The following IDUA variants were observed in gnomAD, a reference collection of about 807,000 sequenced individuals.
IDUA encodes alpha-L-iduronidase, also known as iduronidase alpha-L-.
IDUA carries 65 observed loss-of-function variants against 68.9 expected under a neutral mutation model. The ratio of observed to expected loss-of-function variants is 0.94; its 90% CI spans 0.77 to 1.16. IDUA has a LOEUF of 1.16. Among genes scored for constraint, IDUA ranks in the 50% most tolerant of loss-of-function variants. The probability of loss-of-function intolerance (pLI) is 0.00; values close to 1 mark genes in which losing one functional copy is unlikely to be tolerated. For missense variants in IDUA, 1,046 were observed against 938.0 expected (o/e 1.12, Z -1.50); for synonymous variants, 529 against 433.6 (o/e 1.22, Z -2.73).
At chr4:1,001,342 G>C in intron 4 of IDUA, 126 bp from the exon 5 acceptor site, 4 of 862,388 alleles carry the variant, frequency 4.6e-6, no homozygotes, top group Non-Finnish European at 8.0e-6. Flanking sequence ...GGGGCGGGAG[G>C]CTGGCCTGCA....
At chr4:990,311 G>T in intron 2 of IDUA, 1 of 1,605,074 alleles carries the variant, frequency 6.2e-7, no homozygotes, top group Admixed American at 1.7e-5. Flanking sequence ...TCGAGCAGTG[G>T]CTGTGAGAGG....
intron 2 of IDUA, among the ~76,000 whole-genome samples, chr4:993,086 C>T (rs530917161): frequency 6.6e-6 from 1 of 152,222 alleles, no homozygotes; most frequent in Non-Finnish European, 1.5e-5. Context: ...AGAGTTGTGT[C>T]CCCTTCCCTG....
intron 11 of IDUA, 30 bp from the exon 12 acceptor site, chr4:1,003,519 C>G (rs767059811): frequency 1.2e-6 from 2 of 1,606,874 alleles, no homozygotes; most frequent in African/African-American, 2.7e-5. Context: ...TCCCCTTCCC[C>G]GACGCCATCA....
chr4:987,697 C>G (rs913294828), intron 1 of IDUA, 112 bp from the exon 2 acceptor site: 2 of 1,541,430 alleles, frequency 1.3e-6, no homozygotes, highest in East Asian at 2.4e-5. Context: ...ACTGAACGCA[C>G]GGGCAGCGCC....
rs753757723 is a variant in IDUA, at chr4:990,210, G to C, written c.299+2261G>C. 4.5e-6 allele frequency: 7 copies of C among 1,563,434 alleles called. No homozygotes were observed. In the African/African-American group the frequency reaches 9.5e-5, roughly 21 times the overall value. On this transcript the variant is annotated intron_variant, in intron 2 of 13. Coordinates refer to ENST00000514224, the MANE Select transcript of IDUA (RefSeq NM_000203.5). ...GGCTCAGCCATGTGAGGACCACCAT[G>C]CCGGGCCCCTGGTGCCGCGGGATCC...
At chr4:1,001,926 CCGCTGTGCCCCGGGCCG>C (rs931375013) in intron 6 of IDUA, 39 bp from the exon 7 acceptor site, 4 of 1,568,734 alleles carry the variant, frequency 2.5e-6, no homozygotes, top group Non-Finnish European at 3.5e-6. Flanking sequence ...GCGCCCTCAG[CCGCTGTGCCCCGGGCCG>C]CGCTGACCCT....
At chr4:1,002,236 C>T (rs1173791310) in intron 7 of IDUA, 33 bp from the exon 8 acceptor site, 1 of 1,592,774 alleles carries the variant, frequency 6.3e-7, no homozygotes. Context: ...GGTGGCCGCG[C>T]CACCCGGTCC....
chr4:1,001,941 C>T, intron 6 of IDUA, 41 bp from the exon 7 acceptor site: 11 of 1,569,892 alleles, frequency 7.0e-6, no homozygotes, highest in Non-Finnish European at 9.5e-6. Context: ...GTGCCCCGGG[C>T]CGCGCTGACC....
At chr4:1,000,569 TG>T (rs770220845) in intron 2 of IDUA, 42 bp from the exon 3 acceptor site, 1 of 1,455,640 alleles carries the variant, frequency 6.9e-7, no homozygotes, top group Non-Finnish European at 9.6e-7. Flanking sequence ...AGCATGGAGC[TG>T]TGTGGGCACC....
At chr4:1,001,959 T>A in intron 6 of IDUA, 23 bp from the exon 7 acceptor site, 1 of 1,574,428 alleles carries the variant, frequency 6.4e-7, no homozygotes, top group Non-Finnish European at 8.6e-7. Flanking sequence ...ACCCTGGTGG[T>A]GCTGAGGCGG....
At position 1,000,520 on chromosome 4, in the gene IDUA, G is replaced by A. The variant is rs1296158582; in HGVS notation, c.300-92G>A. 10 of 999,210 alleles carry A rather than the reference G, an allele frequency of 1.0e-5. No individual in the cohort carries two copies. In the Admixed American group the frequency reaches 1.7e-4, roughly 17 times the overall value. The allele number at this position is 999,210 out of a possible 1,614,324, so 61.9% of individuals were successfully genotyped here. A position where few individuals can be genotyped will look rare whatever the true frequency, so the allele number is the denominator to read the frequency against. On this transcript the variant is annotated intron_variant, in intron 2 of 13. Transcript: ENST00000514224. ...CGGAGTCCTGTGTGGCACCTTGCAG[G>A]CTCCCACATGCTCCGTTGTGGCCAC...
chr4:990,595 C>G (rs1215189470), intron 2 of IDUA: 7 of 579,742 alleles, frequency 1.2e-5, no homozygotes, highest in Non-Finnish European at 2.2e-5. Flanking sequence ...GTGCACACAG[C>G]TGGCCATAGA....
intron 2 of IDUA, chr4:991,738 C>T (rs573329794): frequency 3.3e-5 from 51 of 1,527,260 alleles, no homozygotes; most frequent in Middle Eastern, 1.7e-4. Context: ...GACCTGCGGC[C>T]GAGAAGAGGG....
In IDUA at chr4:1,000,964, C is replaced by T. The variant is rs763532209; in HGVS notation, c.468C>T (p.Val156=). The change falls in exon 4 of 14, where the codon GTC becomes GTT. Residue 156 remains valine (V), a synonymous_variant. Transcript: ENST00000514224. The stretch of plus-strand genomic sequence containing the variant: ...AGGTGTTTGAGTGGAAGGACTTGGT[C>T]TCCAGCCTGGCCAGGAGATACATCG... ...KQQVFEWKDL[V]SSLARRYIGR... 6.2e-6 allele frequency: 10 copies of T among 1,613,002 alleles called. No individual in the cohort carries two copies. The South Asian group carries it at 8.8e-5, about 14-fold the overall frequency.
intron 4 of IDUA, 125 bp downstream of exon 4, chr4:1,001,114 G>A: frequency 1.4e-6 from 1 of 724,938 alleles, no homozygotes; most frequent in South Asian, 1.6e-5. Flanking sequence ...GGCCCTTGTG[G>A]GGGGATGGGG....
chr4:999,536 T>G (rs2153021283), intron 2 of IDUA, among the ~76,000 whole-genome samples: 1 of 152,362 alleles, frequency 6.6e-6, no homozygotes, highest in South Asian at 2.1e-4. Flanking sequence ...ACCATCAGGC[T>G]CCTCACTCCC....
At chr4:999,286 G>C (rs1356657779) in intron 2 of IDUA, among the ~76,000 whole-genome samples, 1 of 152,114 alleles carries the variant, frequency 6.6e-6, no homozygotes, top group East Asian at 1.9e-4. Context: ...TTCGCTCTGG[G>C]TCAGGGTCCC....
chr4:989,492 G>A, intron 2 of IDUA: 1 of 1,553,974 alleles, frequency 6.4e-7, no homozygotes, highest in Non-Finnish European at 8.7e-7. Flanking sequence ...GTGCTGACCA[G>A]CATACAGGTG....
At chr4:990,790 A>C in intron 2 of IDUA, 1 of 391,136 alleles carries the variant, frequency 2.6e-6, no homozygotes. Context: ...TGGGGAGGCC[A>C]TCCCCCACTC....
Sources: gnomAD v4.1 joint callset for allele counts (sites outside exome capture counted in the v4.1 genomes callset) on GRCh38, gnomAD v4.1.1 for gene constraint, MANE v1.5 for transcripts, NCBI Gene and HGNC (gene_info 2026-07-23, HGNC 2026-07-21) for gene names.